WASHC1: variants seen among roughly 807,000 people sequenced by gnomAD.
WASHC1 encodes the protein CXYorf1-like protein on chromosome 9.
A neutral mutation model predicts 26.1 loss-of-function variants in WASHC1; 11 were observed. The ratio of observed to expected loss-of-function variants is 0.42; its 90% CI spans 0.27 to 0.70. The LOEUF (loss-of-function observed/expected upper bound fraction) is 0.70, where lower values mean the gene tolerates loss of function less well. WASHC1 is among the 30% of genes least tolerant of loss of function. The pLI is 0.24. For synonymous variants in WASHC1, 37 were observed against 126.6 expected, an observed-to-expected ratio of 0.29 and a Z score of 4.75; for missense variants, 96 against 304.9, an observed-to-expected ratio of 0.31 and a Z score of 5.10.
intron 9 of WASHC1, 50 bp downstream of exon 9, chr9:15,859 A>C: frequency 1.4e-6 from 2 of 1,389,786 alleles, no homozygotes; most frequent in Non-Finnish European, 9.7e-7. Context: ...GGAGGGGAGG[A>C]GGCGATCTTG....
chr9:21,901 C>T (rs1409083857), intron 2 of WASHC1, among the ~76,000 whole-genome samples: 8 of 147,700 alleles, frequency 5.4e-5, no homozygotes, highest in Admixed American at 3.4e-4. Context: ...CTGTGCAGGC[C>T]GGCCTTCGCG....
At chr9:14,799 G>A (rs747244473) in exon 11 of WASHC1, 32 of 1,538,360 alleles carry the variant, frequency 2.1e-5, no homozygotes, top group Non-Finnish European at 2.6e-5. Flanking sequence ...AAGGTGTCAT[G>A]GAGCCCCCTA....
At chr9:30,012 C>CT (rs1817635318), upstream of WASHC1, 1 of 183,448 alleles carries the variant, frequency 5.5e-6, no homozygotes, top group Admixed American at 5.9e-5. Context: ...AGAAAAGAGG[C>CT]TTTTTTAAAA....
chr9:28,148 AT>A (rs985888996), intron 1 of WASHC1: 1 of 98,124 alleles, frequency 1.0e-5, no homozygotes, highest in African/African-American at 6.3e-5. Flanking sequence ...TAATGCAAAT[AT>A]TAGCCCAAAC....
chr9:15,105 T>G, exon 10 of WASHC1: 1 of 744,346 alleles, frequency 1.3e-6, no homozygotes, highest in Non-Finnish European at 2.1e-6. Flanking sequence ...ACCAGCTTGT[T>G]GAAGAGATCC....
intron 1 of WASHC1, chr9:28,113 GAT>G (rs1421320710): frequency 1.1e-5 from 1 of 94,410 alleles, no homozygotes; most frequent in Non-Finnish European, 1.9e-5. Context: ...GTTATTTATT[GAT>G]ATGTTTTGTT....
exon 7 of WASHC1, chr9:16,985 A>G (rs1816415819): frequency 7.8e-7 from 1 of 1,275,164 alleles, no homozygotes; most frequent in Non-Finnish European, 1.0e-6. Flanking sequence ...AGGCTCGGCT[A>G]CCTCAGTGTG....
At chr9:21,442 T>C (rs1432720201) in intron 2 of WASHC1, among the ~76,000 whole-genome samples, 1 of 149,208 alleles carries the variant, frequency 6.7e-6, no homozygotes, top group African/African-American at 2.5e-5. Flanking sequence ...GCAAGTCCCC[T>C]GTCTGTAGCC....
At chr9:29,750 CAG>C (rs1817618353), upstream of WASHC1, 1 of 143,096 alleles carries the variant, frequency 7.0e-6, no homozygotes. Flanking sequence ...TCAAAATTCA[CAG>C]AGACAGAAGC....
rs377032602 is a variant in WASHC1 at position 14,859 on chromosome 9, G to A, written c.1346C>T (p.Pro449Leu). The A allele has an allele frequency of 1.6e-4, 223 of 1,428,484 alleles. 1 individual carries two copies. In the African/African-American group the frequency reaches 2.9e-3, roughly 19 times the overall value. The allele number at this position is 1,428,484 out of a possible 1,614,324, so 88.5% of individuals were successfully genotyped here. ...CTCTGCCTGTGGCTGCTGCGGTGGCGGCAAAGGAGGGATGGAGTCTGACAC... is the reference window on the plus strand; with the variant it reads ...CTCTGCCTGTGGCTGCTGCGGTGGCAGCAAAGGAGGGATGGAGTCTGACAC... The change falls in exon 11 of 11, where the codon CCG (proline) becomes CTG (leucine). Residue 449 changes from proline (P) to leucine (L), a missense_variant. Physicochemically the swap from Pro to Leu is moderately conservative, Grantham distance 98. Transcript: ENST00000442898.
At chr9:15,237 G>C in intron 9 of WASHC1, 88 bp from the exon 10 acceptor site, 1 of 352,304 alleles carries the variant, frequency 2.8e-6, no homozygotes, top group East Asian at 4.4e-5. Context: ...ACACTCCCCA[G>C]CCCTCCAAGG....
chr9:14,893 A>T lies in WASHC1; in HGVS notation c.1312T>A (p.Phe438Ile), dbSNP rs778303838. 108 of 1,360,566 alleles carry T rather than the reference A, an allele frequency of 7.9e-5. 15 individuals are homozygous for T. Among genetic ancestry groups the T allele is most frequent in the Non-Finnish European group, 9.6e-5 (96 of 1,002,608 alleles). 84.3% of individuals were successfully genotyped at this position (1,360,566 alleles called of 1,614,324 possible). The change falls in exon 11 of 11, where the codon TTT becomes ATT. Residue 438 changes from phenylalanine (F) to isoleucine (I), a missense_variant. Physicochemically the swap from Phe to Ile is conservative, Grantham distance 21. Around this residue, in one of 4 missense-constraint regions of WASHC1, gnomAD observed 54 missense variants for 93.9 expected, o/e 0.58. Transcript: ENST00000442898. ...GGGATGGAGTCTGACACGCGGACAAAGGCTCCTCCGGGCCCCTCACCAGCC... is the reference window on the plus strand; with the variant it reads ...GGGATGGAGTCTGACACGCGGACAATGGCTCCTCCGGGCCCCTCACCAGCC...
chr9:20,629 G>A (rs1389245732), intron 2 of WASHC1, among the ~76,000 whole-genome samples: 1 of 87,506 alleles, frequency 1.1e-5, no homozygotes, highest in Non-Finnish European at 2.0e-5. Context: ...AGGCCAGAGG[G>A]TAGACTGCAA....
chr9:15,826 A>C, intron 9 of WASHC1, 83 bp downstream of exon 9: 2 of 1,324,538 alleles, frequency 1.5e-6, no homozygotes, highest in Non-Finnish European at 2.0e-6. Flanking sequence ...GGTGGGCAGA[A>C]AGCACCCGGT....
chr9:14,780 C>A, exon 11 of WASHC1: 1 of 1,528,742 alleles, frequency 6.5e-7, no homozygotes, highest in South Asian at 1.1e-5. Context: ...AAGTCTGGGT[C>A]TGGGGGGGAA....
chr9:15,988 A>G (rs1816256603), exon 9 of WASHC1: 1 of 1,326,024 alleles, frequency 7.5e-7, no homozygotes, highest in South Asian at 1.3e-5. Flanking sequence ...CGATGCCCCC[A>G]GCTTGGCGGA....
intron 2 of WASHC1, among the ~76,000 whole-genome samples, chr9:20,970 AAC>A (rs1254489685): frequency 6.9e-6 from 1 of 145,498 alleles, no homozygotes; most frequent in African/African-American, 2.6e-5. Context: ...CACCACAGAA[AAC>A]AGAGGGTGAC....
chr9:16,012 A>G, exon 9 of WASHC1: 1 of 1,409,774 alleles, frequency 7.1e-7, no homozygotes, highest in Non-Finnish European at 9.8e-7. Flanking sequence ...ACTCTAGCAG[A>G]GTGGCCCAGC....
intron 2 of WASHC1, among the ~76,000 whole-genome samples, chr9:21,448 T>C (rs200763991): frequency 6.7e-6 from 1 of 148,880 alleles, no homozygotes; most frequent in African/African-American, 2.5e-5. Flanking sequence ...CCCCTGTCTG[T>C]AGCCTCACCC....
Sources: allele counts gnomAD v4.1 joint callset (sites outside exome capture counted in the v4.1 genomes callset), GRCh38; gene constraint gnomAD v4.1.1; regional missense constraint gnomAD v4.1.1; transcripts MANE v1.5; gene names NCBI Gene and HGNC (gene_info 2026-07-23, HGNC 2026-07-21).